Variants in PTPN13 observed in about 807,000 individuals in gnomAD.
PTPN13 encodes the protein protein tyrosine phosphatase non-receptor type 13, also known as tyrosine-protein phosphatase non-receptor type 13.
PTPN13 carries 191 observed loss-of-function variants against 284.0 expected under a neutral mutation model. The observed-to-expected ratio is 0.67, with a 90% CI of 0.60 to 0.76. The LOEUF (loss-of-function observed/expected upper bound fraction) is 0.76. Ranked by LOEUF, PTPN13 falls within the 30% of genes least tolerant of loss-of-function variation. PTPN13 has a pLI of 0.00. For missense variants in PTPN13, 2,797 were observed against 2,939.9 expected (o/e 0.95, Z 1.12); for synonymous variants, 986 against 1,022.3 (o/e 0.96, Z 0.68).
rs183617004 is a variant in PTPN13, at chr4:86,603,270, A to G, written c.-6+8481A>G. Among the ~76,000 whole-genome samples the G allele has an allele frequency of 1.2e-4, 17 of 142,462 alleles. No homozygotes were observed. In the East Asian group the frequency reaches 3.1e-3, roughly 26 times the overall value. 93.5% of individuals were successfully genotyped at this position (142,462 alleles called of 152,430 possible). A position where few individuals can be genotyped will look rare whatever the true frequency, so the allele number is the denominator to read the frequency against. ...AGAAGATTCCAAAAATATTTTTGAT[A>G]ACTTGTCCTTGTTTACCCTTCTGAA... On this transcript the variant is annotated intron_variant, in intron 1 of 47. Transcript: ENST00000411767.
intron 7 of PTPN13, among the ~76,000 whole-genome samples, chr4:86,710,925 G>GT (rs1732320255): frequency 6.6e-6 from 1 of 151,284 alleles, no homozygotes; most frequent in Non-Finnish European, 1.5e-5. Flanking sequence ...TTAATTCTTT[G>GT]TTTTTTGGTT....
At chr4:86,759,180 A>G in intron 23 of PTPN13, 107 bp downstream of exon 23, 2 of 1,127,754 alleles carry the variant, frequency 1.8e-6, no homozygotes, top group Non-Finnish European at 2.5e-6. Flanking sequence ...AATTGATGCA[A>G]CTTAAGTAAA....
intron 1 of PTPN13, among the ~76,000 whole-genome samples, chr4:86,611,137 A>T (rs1765226701): frequency 6.6e-6 from 1 of 151,988 alleles, no homozygotes; most frequent in Non-Finnish European, 1.5e-5. Context: ...TTCTCCCACG[A>T]TTATTATTTT....
rs533481356 is a variant in PTPN13, at chr4:86,809,903, G to T, written c.7218G>T (p.Thr2406=). Reference sequence around the variant, plus strand: ...TCCACAGATCAGGCCCAATCATTACGCACTGCAGTGCTGGCATTGGACGTT... The same window carrying T: ...TCCACAGATCAGGCCCAATCATTACTCACTGCAGTGCTGGCATTGGACGTT... ...RHIHRSGPII[T]HCSAGIGRSG... is the part of the protein sequence containing the mutation. The change falls in exon 46 of 48, where the codon ACG becomes ACT. Residue 2406 remains threonine (T), a synonymous_variant. Coordinates refer to ENST00000411767, the MANE Select transcript of PTPN13 (RefSeq NM_080683.3). 5 of 1,613,900 alleles carry T rather than the reference G, an allele frequency of 3.1e-6. No individual in the cohort carries two copies. The highest frequency in any genetic ancestry group is 1.1e-5 in the South Asian group (1 of 91,078).
At chr4:86,715,142 AG>A (rs1261517622) in intron 7 of PTPN13, among the ~76,000 whole-genome samples, 2 of 152,162 alleles carry the variant, frequency 1.3e-5, no homozygotes, top group Non-Finnish European at 2.9e-5. Flanking sequence ...GAATTCGTTT[AG>A]GGAAGTGGAT....
In PTPN13 at chr4:86,766,444, T is replaced by C. The variant is rs749353184; in HGVS notation, c.4256T>C (p.Leu1419Pro). ...GCCTAATTTTTAGGTGATCGCGTCC[T>C]AGCTGTCAATGGAGTTAGTCTAGAA... ...DGRIHKGDRV[L>P]AVNGVSLEGA... Residue 1419 changes from leucine (L) to proline (P), a missense_variant, in exon 27 of 48, where the codon CTA becomes CCA. By Grantham distance (98) the Leu-to-Pro change is moderately conservative (BLOSUM62 -3). Coordinates refer to ENST00000411767, the MANE Select transcript of PTPN13 (RefSeq NM_080683.3). 71 of 1,607,762 alleles carry C rather than the reference T, an allele frequency of 4.4e-5. No homozygotes were observed. In the East Asian group the frequency reaches 1.5e-3, roughly 35 times the overall value.
At chr4:86,684,016 A>G (rs1198241368) in intron 3 of PTPN13, among the ~76,000 whole-genome samples, 1 of 152,030 alleles carries the variant, frequency 6.6e-6, no homozygotes, top group East Asian at 1.9e-4. Flanking sequence ...CTTCTTGCAC[A>G]TTTAATTTAA....
intron 1 of PTPN13, among the ~76,000 whole-genome samples, chr4:86,632,449 G>A (rs533213431): frequency 1.3e-5 from 2 of 152,028 alleles, no homozygotes; most frequent in Non-Finnish European, 2.9e-5. Flanking sequence ...TGTGTTTAAG[G>A]CTGGCCCTTT....
At chr4:86,758,879 T>C (rs1738329060) in intron 22 of PTPN13, 63 bp from the exon 23 acceptor site, 53 of 1,585,892 alleles carry the variant, frequency 3.3e-5, no homozygotes, top group Non-Finnish European at 4.5e-5. Context: ...AGAGATGATA[T>C]TTCTAAGATT....
chr4:86,788,669 A>G (rs958226298), intron 40 of PTPN13, among the ~76,000 whole-genome samples: 20 of 152,324 alleles, frequency 1.3e-4, no homozygotes, highest in South Asian at 4.1e-4. Flanking sequence ...TGCTAATCGT[A>G]TACATTACTA....
At chr4:86,631,066 T>C (rs1008978590) in intron 1 of PTPN13, among the ~76,000 whole-genome samples, 8 of 152,280 alleles carry the variant, frequency 5.3e-5, no homozygotes, top group Middle Eastern at 3.4e-3. Flanking sequence ...GCATATAACC[T>C]TCAAGAGAAT....
chr4:86,641,779 G>GAT (rs1723818489), intron 2 of PTPN13, among the ~76,000 whole-genome samples: 1 of 152,278 alleles, frequency 6.6e-6, no homozygotes, highest in East Asian at 1.9e-4. Context: ...GAAATCATGA[G>GAT]ATAGTATTTT....
chr4:86,687,999 A>G (rs753898840), intron 4 of PTPN13, among the ~76,000 whole-genome samples: 5 of 152,132 alleles, frequency 3.3e-5, no homozygotes, highest in African/African-American at 2.4e-5. Context: ...ACGCTTGCCT[A>G]TGGAGTTTTT....
At chr4:86,810,752 T>A (rs1565638216) in intron 46 of PTPN13, among the ~76,000 whole-genome samples, 1 of 152,340 alleles carries the variant, frequency 6.6e-6, no homozygotes, top group East Asian at 1.9e-4. Flanking sequence ...TTTACCTTTT[T>A]AAATTGTAAT....
intron 6 of PTPN13, 150 bp downstream of exon 6, chr4:86,693,824 C>T: frequency 2.1e-6 from 1 of 474,918 alleles, no homozygotes. Flanking sequence ...TGGGCAGGAA[C>T]ACTAGCTACA....
intron 15 of PTPN13, among the ~76,000 whole-genome samples, chr4:86,736,922 A>G (rs1489126777): frequency 1.3e-5 from 2 of 152,242 alleles, no homozygotes; most frequent in Admixed American, 1.3e-4. Context: ...CTTCTAACTT[A>G]AGAAGTTTTA....
At chr4:86,742,602 A>G (rs750320535) in intron 16 of PTPN13, among the ~76,000 whole-genome samples, 2 of 152,204 alleles carry the variant, frequency 1.3e-5, no homozygotes, top group Non-Finnish European at 2.9e-5. Context: ...TTCAACCCTG[A>G]GACCATTCCT....
chr4:86,662,976 C>T (rs1726681263), intron 2 of PTPN13, among the ~76,000 whole-genome samples: 1 of 152,214 alleles, frequency 6.6e-6, no homozygotes, highest in Non-Finnish European at 1.5e-5. Flanking sequence ...GATTGCACCA[C>T]TGCTCTCCAG....
At chr4:86,602,694 A>C (rs1431171083) in intron 1 of PTPN13, among the ~76,000 whole-genome samples, 1 of 138,082 alleles carries the variant, frequency 7.2e-6, no homozygotes, top group Non-Finnish European at 1.6e-5. Flanking sequence ...TATTTTTCTG[A>C]TTTTTTTTTT....
Sources: gnomAD v4.1 joint callset for allele counts (sites outside exome capture counted in the v4.1 genomes callset) on GRCh38, gnomAD v4.1.1 for gene constraint, MANE v1.5 for transcripts, NCBI Gene and HGNC (gene_info 2026-07-23, HGNC 2026-07-21) for gene names.